The following MYO3A variants were observed in gnomAD, a reference collection of about 807,000 sequenced individuals.
The protein encoded by MYO3A is myosin-IIIa.
A neutral mutation model predicts 192.7 loss-of-function variants in MYO3A; 180 were observed. The observed-to-expected ratio is 0.93, with a 90% CI of 0.83 to 1.06. MYO3A has a LOEUF of 1.06. MYO3A is among the 50% of genes least tolerant of loss of function. The pLI is 0.00. For synonymous variants in MYO3A, 628 were observed against 645.3 expected (o/e 0.97, Z 0.41); for missense variants, 1,896 against 1,905.0 (o/e 1.00, Z 0.09).
intron 23 of MYO3A, among the ~76,000 whole-genome samples, chr10:26,153,324 C>G (rs530593461): frequency 5.3e-5 from 8 of 152,302 alleles, no homozygotes; most frequent in Admixed American, 2.0e-4. Context: ...TCTGGCTTCT[C>G]AGGCCATAAT....
chr10:26,041,844 T>C (rs1408277041), intron 10 of MYO3A, among the ~76,000 whole-genome samples: 1 of 152,090 alleles, frequency 6.6e-6, no homozygotes, highest in Non-Finnish European at 1.5e-5. Context: ...TCTTTTAGTC[T>C]TCCATAATTT....
intron 32 of MYO3A, among the ~76,000 whole-genome samples, chr10:26,197,388 G>T (rs1435798946): frequency 3.9e-5 from 6 of 152,136 alleles, no homozygotes; most frequent in African/African-American, 1.4e-4. Context: ...AGACCAGAAG[G>T]GTTAGTTTCT....
chr10:25,958,025 A>G (rs1227364382), intron 4 of MYO3A, among the ~76,000 whole-genome samples: 2 of 152,058 alleles, frequency 1.3e-5, no homozygotes, highest in Non-Finnish European at 2.9e-5. Context: ...ATTTTCTCCT[A>G]TTCTGTAGGC....
At chr10:25,935,026 G>T (rs12244769) in intron 1 of MYO3A, among the ~76,000 whole-genome samples, 12,190 of 152,070 alleles carry the variant, frequency 0.08, 603 homozygotes, top group African/African-American at 0.14. Flanking sequence ...CCTGTGGCGC[G>T]CGCGGGCTTT....
chr10:26,104,673 C>T (rs185496706), intron 17 of MYO3A, among the ~76,000 whole-genome samples: 6 of 151,978 alleles, frequency 3.9e-5, no homozygotes, highest in East Asian at 1.9e-4. Flanking sequence ...GTCCCTTAAA[C>T]TTTAATATAA....
At chr10:26,146,195 C>T (rs1840456391) in intron 22 of MYO3A, among the ~76,000 whole-genome samples, 1 of 152,212 alleles carries the variant, frequency 6.6e-6, no homozygotes, top group East Asian at 1.9e-4. Flanking sequence ...CCAGAGGATG[C>T]TCTCTTTCCT....
chr10:26,037,577 C>T (rs1450890781), intron 10 of MYO3A, among the ~76,000 whole-genome samples: 1 of 152,100 alleles, frequency 6.6e-6, no homozygotes, highest in Non-Finnish European at 1.5e-5. Flanking sequence ...TTCCCAACAC[C>T]ATTTATTGAA....
At chr10:26,063,487 G>A (rs1834632923) in intron 10 of MYO3A, among the ~76,000 whole-genome samples, 1 of 152,150 alleles carries the variant, frequency 6.6e-6, no homozygotes, top group Non-Finnish European at 1.5e-5. Context: ...AAGCTGAAAG[G>A]TCAGTGTCTT....
rs144943471 is a variant in MYO3A, at chr10:26,182,857, C to T, written c.4438+6012C>T. On this transcript the variant is annotated intron_variant, in intron 31 of 34. Transcript: ENST00000642920. ...ACAGCTCATTCTCCCCAACAAAGAC[C>T]TCACTCTCAGGGCACCCTTGGTATC... Among the ~76,000 whole-genome samples, 703 of 152,316 alleles carry T rather than the reference C, an allele frequency of 4.6e-3. 6 individuals are homozygous for T. The highest frequency in any genetic ancestry group is 0.016 in the African/African-American group (667 of 41,568).
intron 17 of MYO3A, among the ~76,000 whole-genome samples, chr10:26,100,287 C>G (rs910917496): frequency 2.0e-5 from 3 of 151,860 alleles, no homozygotes; most frequent in African/African-American, 4.8e-5. Context: ...CTGTTTGATT[C>G]TTCTCTCTTT....
At chr10:26,087,933 A>G (rs1836441398) in intron 14 of MYO3A, among the ~76,000 whole-genome samples, 1 of 152,214 alleles carries the variant, frequency 6.6e-6, no homozygotes. Flanking sequence ...TAGGCTGCTT[A>G]TAAATTATGT....
Position 26,064,138 on chromosome 10 carries a change from G to A in MYO3A, c.954-2837G>A, listed in dbSNP as rs538409082. The stretch of plus-strand genomic sequence containing the variant: ...GGGGAGAAGGCAATGGCTAAAAATA[G>A]AGCAGGAAAAGGGTGATGAGAGATT... On this transcript the variant is annotated intron_variant, in intron 10 of 34. Coordinates refer to ENST00000642920, the MANE Select transcript of MYO3A (RefSeq NM_017433.5). Among the ~76,000 whole-genome samples the A allele has an allele frequency of 3.3e-5, 5 of 152,320 alleles. No homozygotes were observed. The South Asian group carries it at 1.0e-3, about 32-fold the overall frequency.
chr10:26,070,809 A>G (rs1835156737), intron 14 of MYO3A, among the ~76,000 whole-genome samples: 1 of 151,154 alleles, frequency 6.6e-6, no homozygotes, highest in Non-Finnish European at 1.5e-5. Context: ...TGCCATTAAC[A>G]ATAAAATCAA....
At chr10:25,986,992 G>C (rs1389429929) in intron 4 of MYO3A, among the ~76,000 whole-genome samples, 1 of 152,150 alleles carries the variant, frequency 6.6e-6, no homozygotes, top group African/African-American at 2.4e-5. Context: ...AAAACAGCAT[G>C]GTACTGATAC....
chr10:26,203,201 A>G, intron 34 of MYO3A, 94 bp downstream of exon 34: 2 of 1,322,788 alleles, frequency 1.5e-6, no homozygotes, highest in Non-Finnish European at 1.1e-6. Flanking sequence ...ATGAATGACA[A>G]AGCACTCTTA....
At chr10:25,999,154 TC>T (rs1433344257) in intron 6 of MYO3A, among the ~76,000 whole-genome samples, 3 of 152,168 alleles carry the variant, frequency 2.0e-5, no homozygotes, top group Non-Finnish European at 4.4e-5. Context: ...CGTCTCGGCC[TC>T]CCAAAGGGCT....
chr10:26,106,514 A>C (rs1837809938), intron 17 of MYO3A, among the ~76,000 whole-genome samples: 1 of 152,070 alleles, frequency 6.6e-6, no homozygotes, highest in South Asian at 2.1e-4. Flanking sequence ...GTTTGTGCTT[A>C]GATCATCTAA....
intron 4 of MYO3A, among the ~76,000 whole-genome samples, chr10:25,980,253 C>CA (rs1183032939): frequency 6.7e-6 from 1 of 148,376 alleles, no homozygotes; most frequent in Non-Finnish European, 1.5e-5. Flanking sequence ...AAAAAAAAAG[C>CA]AAAAAACCCC....
chr10:26,129,497 A>G (rs867183136), intron 20 of MYO3A, among the ~76,000 whole-genome samples: 43 of 152,154 alleles, frequency 2.8e-4, no homozygotes, highest in African/African-American at 9.7e-4. Flanking sequence ...TTAAAATCTT[A>G]AAAGCAAACA....
Sources: gnomAD v4.1 joint callset for allele counts (sites outside exome capture counted in the v4.1 genomes callset) on GRCh38, gnomAD v4.1.1 for gene constraint, MANE v1.5 for transcripts, NCBI Gene and HGNC (gene_info 2026-07-23, HGNC 2026-07-21) for gene names.